The following SORBS2 variants were observed in gnomAD, a reference collection of about 807,000 sequenced individuals.
SORBS2 encodes the protein sorbin and SH3 domain-containing protein 2.
In SORBS2, 46 loss-of-function variants were observed where a neutral mutation model predicts 97.7. That is an observed-to-expected ratio of 0.47 (90% confidence interval 0.37 to 0.60). The LOEUF (loss-of-function observed/expected upper bound fraction) is 0.60, where lower values mean the gene tolerates loss of function less well. SORBS2 is among the 20% of genes least tolerant of loss of function. The pLI, the probability that SORBS2 is intolerant of heterozygous loss-of-function variation, is 0.00. For missense variants in SORBS2, 1,316 were observed against 1,282.3 expected (o/e 1.03, Z -0.40); for synonymous variants, 476 against 473.4 (o/e 1.01, Z -0.07).
chr4:185,849,318 C>T (rs886995898), intron 1 of SORBS2, among the ~76,000 whole-genome samples: 2 of 152,168 alleles, frequency 1.3e-5, no homozygotes, highest in Non-Finnish European at 2.9e-5. Context: ...CGACTTGAGA[C>T]ACTGCAAGGC....
chr4:185,616,788 A>G (rs1456161505), intron 9 of SORBS2, among the ~76,000 whole-genome samples: 1 of 151,998 alleles, frequency 6.6e-6, no homozygotes, highest in African/African-American at 2.4e-5. Flanking sequence ...TTGCTCTGTC[A>G]CCCAGGCTGG....
At chr4:185,670,997 T>C (rs1445896097) in intron 4 of SORBS2, among the ~76,000 whole-genome samples, 1 of 152,074 alleles carries the variant, frequency 6.6e-6, no homozygotes, top group African/African-American at 2.4e-5. Context: ...CAACTTGAAG[T>C]AACGACAGAG....
At chr4:185,840,231 C>T (rs993521095) in intron 1 of SORBS2, among the ~76,000 whole-genome samples, 11 of 152,134 alleles carry the variant, frequency 7.2e-5, no homozygotes, top group Non-Finnish European at 1.5e-4. Context: ...AGTCAATTTT[C>T]CCGTGTTATG....
At chr4:185,640,993 A>G (rs912818238) in intron 4 of SORBS2, among the ~76,000 whole-genome samples, 8 of 152,222 alleles carry the variant, frequency 5.3e-5, no homozygotes, top group Admixed American at 5.2e-4. Context: ...TCTGTTTAAG[A>G]AACATTATGA....
intron 1 of SORBS2, among the ~76,000 whole-genome samples, chr4:185,838,565 T>C (rs959933192): frequency 6.6e-6 from 1 of 152,220 alleles, no homozygotes; most frequent in African/African-American, 2.4e-5. Context: ...CTCACTCCCA[T>C]GTGACACAAC....
intron 1 of SORBS2, among the ~76,000 whole-genome samples, chr4:185,877,676 G>A (rs1362345028): frequency 6.6e-6 from 1 of 151,862 alleles, no homozygotes; most frequent in Non-Finnish European, 1.5e-5. Context: ...AGACCAGCCT[G>A]GCCAACATGG....
chr4:185,682,371 T>C (rs895055800), intron 2 of SORBS2, among the ~76,000 whole-genome samples: 2 of 152,238 alleles, frequency 1.3e-5, no homozygotes. Context: ...TGTCTTGGTT[T>C]TGGCATAGGT....
chr4:185,783,236 A>G (rs566697927), intron 1 of SORBS2, among the ~76,000 whole-genome samples: 1 of 152,332 alleles, frequency 6.6e-6, no homozygotes, highest in South Asian at 2.1e-4. Context: ...CATGAGAAAA[A>G]CTTCCTAAAT....
At chr4:185,884,014 A>G (rs1287625047) in intron 1 of SORBS2, among the ~76,000 whole-genome samples, 2 of 152,208 alleles carry the variant, frequency 1.3e-5, no homozygotes, top group African/African-American at 4.8e-5. Context: ...CAGAAGTCCG[A>G]TCAGTTTTCA....
intron 1 of SORBS2, among the ~76,000 whole-genome samples, chr4:185,918,694 C>G (rs963734051): frequency 6.6e-5 from 10 of 152,186 alleles, no homozygotes; most frequent in Non-Finnish European, 1.0e-4. Flanking sequence ...AGAGCCCCTA[C>G]AATAGCTCTT....
chr4:185,725,062 T>C (rs2098546271), intron 2 of SORBS2, among the ~76,000 whole-genome samples: 1 of 152,208 alleles, frequency 6.6e-6, no homozygotes. Context: ...GTTGCCAGTT[T>C]ATCATTTAAT....
rs544820121 is a variant in SORBS2 at position 185,675,856 on chromosome 4, G to C, written c.-46+2567C>G. 4.6e-5 allele frequency among the ~76,000 whole-genome samples: 7 copies of C among 152,270 alleles called. No homozygotes were observed. The South Asian group carries it at 1.5e-3, about 32-fold the overall frequency. On this transcript the variant is annotated intron_variant, in intron 4 of 20. Coordinates refer to the SORBS2 transcript ENST00000284776. ...CTGATGGAGAAGATATTTTAGTAGA[G>C]GTATGATAATACCAGCTTGTCCTTT...
At chr4:185,885,022 T>C (rs1561267373) in intron 1 of SORBS2, among the ~76,000 whole-genome samples, 1 of 152,160 alleles carries the variant, frequency 6.6e-6, no homozygotes. Flanking sequence ...CACACCTGCC[T>C]GGACTTATCT....
intron 4 of SORBS2, among the ~76,000 whole-genome samples, chr4:185,663,269 TA>T (rs2097546870): frequency 6.6e-6 from 1 of 152,212 alleles, no homozygotes; most frequent in Non-Finnish European, 1.5e-5. Flanking sequence ...CTACTTATTT[TA>T]AAACAAAACA....
intron 14 of SORBS2, among the ~76,000 whole-genome samples, chr4:185,588,852 T>C (rs1408049753): frequency 6.6e-6 from 1 of 152,130 alleles, no homozygotes; most frequent in Non-Finnish European, 1.5e-5. Flanking sequence ...TGGCCTCAGG[T>C]AATCCACCCG....
chr4:185,706,797 A>C (rs1380191797), intron 2 of SORBS2, among the ~76,000 whole-genome samples: 2 of 152,174 alleles, frequency 1.3e-5, no homozygotes, highest in African/African-American at 4.8e-5. Flanking sequence ...GCTGCATATA[A>C]TTACATTGCT....
intron 1 of SORBS2, among the ~76,000 whole-genome samples, chr4:185,845,511 A>G (rs1470340486): frequency 1.3e-5 from 2 of 152,198 alleles, no homozygotes; most frequent in Non-Finnish European, 2.9e-5. Flanking sequence ...TTTGGGTTAG[A>G]AAAAATGCTT....
intron 1 of SORBS2, among the ~76,000 whole-genome samples, chr4:185,801,664 TCA>T (rs764139576): frequency 0.1 from 13,071 of 131,318 alleles, 587 homozygotes; most frequent in African/African-American, 0.13. Context: ...TTTAACTGAA[TCA>T]TCTCTCTCTC....
chr4:185,632,606 T>A (rs1449909476), intron 4 of SORBS2, among the ~76,000 whole-genome samples: 1 of 152,228 alleles, frequency 6.6e-6, no homozygotes, highest in Non-Finnish European at 1.5e-5. Flanking sequence ...CATCGGCGTC[T>A]GTGCAGATCA....
Sources: gnomAD v4.1 joint callset for allele counts (sites outside exome capture counted in the v4.1 genomes callset) on GRCh38, gnomAD v4.1.1 for gene constraint, MANE v1.5 for transcripts, NCBI Gene and HGNC (gene_info 2026-07-23, HGNC 2026-07-21) for gene names.